The following SEMG2 variants were observed in gnomAD, a reference collection of about 807,000 sequenced individuals.
The protein encoded by SEMG2 is semenogelin-2.
A neutral mutation model predicts 8.1 loss-of-function variants in SEMG2; 3 were observed. That is an observed-to-expected ratio of 0.37 (90% CI 0.17 to 0.96). The LOEUF (loss-of-function observed/expected upper bound fraction) is 0.96, where lower values mean the gene tolerates loss of function less well. Among genes scored for constraint, SEMG2 ranks in the 40% least tolerant of loss-of-function variants. The pLI is 0.41. For missense variants in SEMG2, 726 were observed against 671.2 expected, an observed-to-expected ratio of 1.08 and a Z score of -0.90; for synonymous variants, 252 against 231.4, an observed-to-expected ratio of 1.09 and a Z score of -0.81.
In SEMG2 at chr20:45,221,767, C is replaced by A; in HGVS notation, c.135C>A (p.Gly45=). 5 of 1,613,518 alleles carry A rather than the reference C, an allele frequency of 3.1e-6. No homozygotes were observed. Among genetic ancestry groups the A allele is most frequent in the Non-Finnish European group, 4.2e-6 (5 of 1,179,840 alleles). The change falls in exon 2 of 3, where the codon GGC becomes GGA. Residue 45 remains glycine (G), a synonymous_variant. Transcript: ENST00000372769. ...CCCAATTTCCACATGGACAAAAGGGCCAGCACTATTTTGGACAAAAAGACC... is the reference window on the plus strand; with the variant it reads ...CCCAATTTCCACATGGACAAAAGGGACAGCACTATTTTGGACAAAAAGACC... ...GSSQFPHGQK[G]QHYFGQKDQQ...
rs1224239954 is a variant in SEMG2 at position 45,222,312 on chromosome 20, G to A, written c.680G>A (p.Arg227Lys). Residue 227 changes from arginine to lysine, a missense_variant, in exon 2 of 3, where the codon AGA becomes AAA. Coordinates refer to ENST00000372769, the MANE Select transcript of SEMG2 (RefSeq NM_003008.3). ...KGHYQNVVDV[R>K]EEHSSKLQTS... Reference sequence around the variant, plus strand: ...CATTACCAAAATGTGGTTGACGTGAGAGAGGAACATTCAAGTAAACTACAA... The same window carrying A: ...CATTACCAAAATGTGGTTGACGTGAAAGAGGAACATTCAAGTAAACTACAA... 1 of 1,614,004 alleles carries A rather than the reference G, an allele frequency of 6.2e-7. No individual in the cohort carries two copies. The highest frequency in any genetic ancestry group is 8.5e-7 in the Non-Finnish European group (1 of 1,180,024).
chr20:45,223,231 C>A lies in SEMG2; in HGVS notation c.1599C>A (p.Ser533Arg). Residue 533 changes from serine (S) to arginine (R), a missense_variant, in exon 2 of 3, where the codon AGC becomes AGA. By Grantham distance (110) the Ser-to-Arg change is moderately radical. Coordinates refer to ENST00000372769, the MANE Select transcript of SEMG2 (RefSeq NM_003008.3). ...AKGKSGQSAD[S>R]KQDLLSHEQK... ...GAAAGTCTGGTCAATCTGCAGATAG[C>A]AAACAAGACCTACTCAGTCATGAAC... 1 of 1,614,106 alleles carries A rather than the reference C, an allele frequency of 6.2e-7. No individual in the cohort carries two copies. The highest frequency in any genetic ancestry group is 8.5e-7 in the Non-Finnish European group (1 of 1,180,008).
At position 45,223,207 on chromosome 20, in the gene SEMG2, A is replaced by G. The variant is rs1984067669; in HGVS notation, c.1575A>G (p.Gly525=). ...QDQWSGQNAK[G]KSGQSADSKQ... is the part of the protein sequence containing the mutation. ...AATGGTCTGGCCAAAATGCAAAAGG[A>G]AAGTCTGGTCAATCTGCAGATAGCA... Residue 525 remains glycine, a synonymous_variant, in exon 2 of 3, where the codon GGA becomes GGG. Coordinates refer to ENST00000372769, the MANE Select transcript of SEMG2 (RefSeq NM_003008.3). The G allele has an allele frequency of 1.2e-6, 2 of 1,614,058 alleles. No individual in the cohort carries two copies. The highest frequency in any genetic ancestry group is 1.3e-5 in the African/African-American group (1 of 74,930).
Position 45,223,460 on chromosome 20 carries a change from C to A in SEMG2, c.*44+35C>A. On this transcript the variant is annotated intron_variant, in intron 2 of 2. Coordinates refer to ENST00000372769, the MANE Select transcript of SEMG2 (RefSeq NM_003008.3). The stretch of plus-strand genomic sequence containing the variant: ...CTTTTCTTACCAAATAGGAGAGGTG[C>A]CTGTCCCAAAGTTGGGGACTCTCCA... The A allele has an allele frequency of 3.1e-6, 3 of 975,124 alleles. No individual in the cohort carries two copies. In the South Asian group the frequency reaches 4.9e-5, roughly 16 times the overall value. 60.4% of individuals were successfully genotyped at this position (975,124 alleles called of 1,614,324 possible).
rs1213695340 is a variant in SEMG2 at position 45,222,019 on chromosome 20, T to C, written c.387T>C (p.His129=). 6.2e-7 allele frequency: 1 copy of C among 1,614,082 alleles called. No individual in the cohort carries two copies. The highest frequency in any genetic ancestry group is 8.5e-7 in the Non-Finnish European group (1 of 1,180,004). ...GTCATTTTCACATGATAGTTATACA[T>C]CATAAAGGAGGCCAAGCTCATCATG... ...SKGHFHMIVI[H]HKGGQAHHGT... Residue 129 remains histidine, a synonymous_variant, in exon 2 of 3, where the codon CAT becomes CAC. Transcript: ENST00000372769.
chr20:45,224,117 G>A (rs985012294), intron 2 of SEMG2, among the ~76,000 whole-genome samples, 174 bp from the exon 3 acceptor site: 1 of 152,188 alleles, frequency 6.6e-6, no homozygotes, highest in African/African-American at 2.4e-5. Flanking sequence ...CACTGTACCT[G>A]AAGAGAGGGT....
chr20:45,223,226 G>A lies in SEMG2; in HGVS notation c.1594G>A (p.Asp532Asn). 2.5e-6 allele frequency: 4 copies of A among 1,614,142 alleles called. No homozygotes were observed. The highest frequency in any genetic ancestry group is 3.4e-6 in the Non-Finnish European group (4 of 1,180,006). Reference sequence around the variant, plus strand: ...AAAAGGAAAGTCTGGTCAATCTGCAGATAGCAAACAAGACCTACTCAGTCA... The same window carrying A: ...AAAAGGAAAGTCTGGTCAATCTGCAAATAGCAAACAAGACCTACTCAGTCA... Reference protein sequence around the residue: ...NAKGKSGQSADSKQDLLSHEQ... With the variant: ...NAKGKSGQSANSKQDLLSHEQ... Residue 532 changes from aspartate to asparagine, a missense_variant, in exon 2 of 3, where the codon GAT becomes AAT. Transcript: ENST00000372769.
Position 45,222,486 on chromosome 20 carries a change from A to C in SEMG2, c.854A>C (p.Lys285Thr), listed in dbSNP as rs1202497271. The C allele has an allele frequency of 6.2e-7, 1 of 1,613,886 alleles. No homozygotes were observed. The highest frequency in any genetic ancestry group is 1.7e-5 in the Admixed American group (1 of 59,960). The change falls in exon 2 of 3, where the codon AAA becomes ACA. Residue 285 changes from lysine (K) to threonine (T), a missense_variant. Lys to Thr is a moderately conservative substitution (Grantham distance 78). Coordinates refer to ENST00000372769, the MANE Select transcript of SEMG2 (RefSeq NM_003008.3). ...QDQEHGRKAHKISYPSSRTEE... is the reference protein window; with the variant it reads ...QDQEHGRKAHTISYPSSRTEE... The stretch of plus-strand genomic sequence containing the variant: ...CAAGAGCATGGCCGGAAGGCACATA[A>C]AATATCATACCCGTCTTCACGTACA...
Position 45,224,299 on chromosome 20 carries a change from C to T in SEMG2, c.*53C>T, listed in dbSNP as rs1001057447. The stretch of plus-strand genomic sequence containing the variant: ...GTCTTTTTTCTCCCTAGGTGTCACC[C>T]GACCTCAGTGAAGTCTTTGATGTTT... On this transcript the variant is annotated 3_prime_UTR_variant, in exon 3 of 3. Coordinates refer to ENST00000372769, the MANE Select transcript of SEMG2 (RefSeq NM_003008.3). The T allele has an allele frequency of 6.6e-6, 1 of 152,254 alleles. No homozygotes were observed. Among genetic ancestry groups the T allele is most frequent in the Non-Finnish European group, 1.5e-5 (1 of 68,144 alleles). 9.4% of individuals were successfully genotyped at this position (152,254 alleles called of 1,614,324 possible).
In SEMG2 at chr20:45,221,908, G is replaced by A. The variant is rs745427048; in HGVS notation, c.276G>A (p.Lys92=). Residue 92 remains lysine, a synonymous_variant, in exon 2 of 3, where the codon AAG becomes AAA. Coordinates refer to ENST00000372769, the MANE Select transcript of SEMG2 (RefSeq NM_003008.3). ...AATATGATTTGAATGCCCTACATAA[G>A]GCGACAAAATCAAAACAACACCTAG... ...SQQYDLNALH[K]ATKSKQHLGG... 2 of 1,613,382 alleles carry A rather than the reference G, an allele frequency of 1.2e-6. No individual in the cohort carries two copies. The highest frequency in any genetic ancestry group is 2.7e-5 in the African/African-American group (2 of 74,834).
rs370269672 is a variant in SEMG2 at position 45,223,386 on chromosome 20, G to C, written c.*5G>C. The stretch of plus-strand genomic sequence containing the variant: ...AGAAATCCAATATCTACATAGCCCT[G>C]TTGCTTAGCAACCACTTGAAAAGCT... On this transcript the variant is annotated 3_prime_UTR_variant, in exon 2 of 3. Transcript: ENST00000372769. 1 of 1,587,690 alleles carries C rather than the reference G, an allele frequency of 6.3e-7. No individual in the cohort carries two copies. Among genetic ancestry groups the C allele is most frequent in the Admixed American group, 1.7e-5 (1 of 57,804 alleles).
rs1350536503 is a variant in SEMG2 at position 45,223,399 on chromosome 20, C to T, written c.*18C>T. 6.4e-7 allele frequency: 1 copy of T among 1,553,114 alleles called. No homozygotes were observed. The highest frequency in any genetic ancestry group is 8.8e-7 in the Non-Finnish European group (1 of 1,135,094). On this transcript the variant is annotated 3_prime_UTR_variant, in exon 2 of 3. Coordinates refer to ENST00000372769, the MANE Select transcript of SEMG2 (RefSeq NM_003008.3). The stretch of plus-strand genomic sequence containing the variant: ...CTACATAGCCCTGTTGCTTAGCAAC[C>T]ACTTGAAAAGCTGGACCAATAGCAA...
At chr20:45,224,147 C>T (rs1180356459) in intron 2 of SEMG2, 144 bp from the exon 3 acceptor site, 2 of 152,320 alleles carry the variant, frequency 1.3e-5, no homozygotes, top group Non-Finnish European at 2.9e-5. Context: ...AAACAATGGT[C>T]CCAGCTGATA....
chr20:45,221,799 A>T lies in SEMG2; in HGVS notation c.167A>T (p.His56Leu). Residue 56 changes from histidine to leucine, a missense_variant, in exon 2 of 3, where the codon CAT (histidine) becomes CTT (leucine). Physicochemically the swap from His to Leu is moderately conservative, Grantham distance 99. Transcript: ENST00000372769. ...TATTTTGGACAAAAAGACCAACAAC[A>T]TACTAAATCCAAAGGCAGTTTTTCT... ...QHYFGQKDQQ[H>L]TKSKGSFSIQ... is the part of the protein sequence containing the mutation. 6.2e-7 allele frequency: 1 copy of T among 1,614,218 alleles called. No homozygotes were observed.
In SEMG2 at chr20:45,222,018, A is replaced by G. The variant is rs781328840; in HGVS notation, c.386A>G (p.His129Arg). 2.5e-6 allele frequency: 4 copies of G among 1,614,166 alleles called. No individual in the cohort carries two copies. The highest frequency in any genetic ancestry group is 2.2e-5 in the East Asian group (1 of 44,878). ...SKGHFHMIVI[H>R]HKGGQAHHGT... ...GGTCATTTTCACATGATAGTTATACATCATAAAGGAGGCCAAGCTCATCAT... is the reference window on the plus strand; with the variant it reads ...GGTCATTTTCACATGATAGTTATACGTCATAAAGGAGGCCAAGCTCATCAT... The change falls in exon 2 of 3, where the codon CAT (histidine) becomes CGT (arginine). Residue 129 changes from histidine (H) to arginine (R), a missense_variant. Coordinates refer to ENST00000372769, the MANE Select transcript of SEMG2 (RefSeq NM_003008.3).
In SEMG2 at chr20:45,222,864, C is replaced by G. The variant is rs745591744; in HGVS notation, c.1232C>G (p.Ser411Trp). ...HKENKISYQS[S>W]STEERRLNSG... ...GAAAATAAAATATCATACCAATCTTCGAGTACAGAAGAAAGACGTCTCAAC... is the reference window on the plus strand; with the variant it reads ...GAAAATAAAATATCATACCAATCTTGGAGTACAGAAGAAAGACGTCTCAAC... Residue 411 changes from serine to tryptophan, a missense_variant, in exon 2 of 3, where the codon TCG (serine) becomes TGG (tryptophan). Coordinates refer to ENST00000372769, the MANE Select transcript of SEMG2 (RefSeq NM_003008.3). 6.2e-7 allele frequency: 1 copy of G among 1,613,550 alleles called. No homozygotes were observed.
Position 45,222,592 on chromosome 20 carries a change from G to T in SEMG2, c.960G>T (p.Glu320Asp). Reference protein sequence around the residue: ...SKGSISIQTEEKIHGKSQNQV... With the variant: ...SKGSISIQTEDKIHGKSQNQV... Reference sequence around the variant, plus strand: ...GCAGCATTTCTATCCAAACTGAAGAGAAAATACATGGCAAGTCTCAAAACC... The same window carrying T: ...GCAGCATTTCTATCCAAACTGAAGATAAAATACATGGCAAGTCTCAAAACC... The change falls in exon 2 of 3, where the codon GAG (glutamate) becomes GAT (aspartate). Residue 320 changes from glutamate to aspartate, a missense_variant. Coordinates refer to ENST00000372769, the MANE Select transcript of SEMG2 (RefSeq NM_003008.3). 6.2e-7 allele frequency: 1 copy of T among 1,614,076 alleles called. No homozygotes were observed. The highest frequency in any genetic ancestry group is 8.5e-7 in the Non-Finnish European group (1 of 1,180,012).
chr20:45,221,754 A>G lies in SEMG2; in HGVS notation c.122A>G (p.His41Arg), dbSNP rs759739206. 6.2e-7 allele frequency: 1 copy of G among 1,610,786 alleles called. No homozygotes were observed. The highest frequency in any genetic ancestry group is 1.7e-5 in the Admixed American group (1 of 59,238). ...CCAAGCGGATCTTCCCAATTTCCACATGGACAAAAGGGCCAGCACTATTTT... is the reference window on the plus strand; with the variant it reads ...CCAAGCGGATCTTCCCAATTTCCACGTGGACAAAAGGGCCAGCACTATTTT... ...QLPSGSSQFP[H>R]GQKGQHYFGQ... The change falls in exon 2 of 3, where the codon CAT becomes CGT. Residue 41 changes from histidine to arginine, a missense_variant. Transcript: ENST00000372769.
chr20:45,222,143 C>A lies in SEMG2; in HGVS notation c.511C>A (p.Leu171Ile), dbSNP rs750588135. ...AGAAAAAAGGCTATGGGTTCATGGA[C>A]TAAGTAAAGAACAAGCTTCAGCCTC... is the stretch of plus-strand genomic sequence containing the variant. ...NTEKRLWVHG[L>I]SKEQASASGA... Residue 171 changes from leucine to isoleucine, a missense_variant, in exon 2 of 3, where the codon CTA (leucine) becomes ATA (isoleucine). Transcript: ENST00000372769. The A allele has an allele frequency of 6.2e-7, 1 of 1,614,082 alleles. No homozygotes were observed. The highest frequency in any genetic ancestry group is 1.7e-5 in the Admixed American group (1 of 60,024).
Sources: gnomAD v4.1 joint callset for allele counts (sites outside exome capture counted in the v4.1 genomes callset) on GRCh38, gnomAD v4.1.1 for gene constraint, MANE v1.5 for transcripts, NCBI Gene and HGNC (gene_info 2026-07-23, HGNC 2026-07-21) for gene names.